Variants in LRP1B observed in about 807,000 individuals in gnomAD.
The protein encoded by LRP1B is LDL receptor related protein 1B.
Under a neutral mutation model 556.6 loss-of-function variants are expected in LRP1B, and 217 were observed. The observed-to-expected ratio is 0.39, with a 90% CI of 0.35 to 0.44. The LOEUF (loss-of-function observed/expected upper bound fraction) is 0.44, where lower values mean the gene tolerates loss of function less well. Among genes scored for constraint, LRP1B ranks in the 20% least tolerant of loss-of-function variants. The probability of loss-of-function intolerance (pLI) is 1.00; values close to 1 mark genes in which losing one functional copy is unlikely to be tolerated. For missense variants in LRP1B, 5,053 were observed against 5,620.8 expected (o/e 0.90, Z 3.23); for synonymous variants, 2,047 against 1,865.8 (o/e 1.10, Z -2.50).
intron 3 of LRP1B, among the ~76,000 whole-genome samples, chr2:141,390,671 G>A (rs780919867): frequency 2.0e-5 from 3 of 152,162 alleles, no homozygotes; most frequent in Non-Finnish European, 4.4e-5. Context: ...AGTGAAAGAA[G>A]CCAGACACAA....
At chr2:141,861,624 T>A (rs113267307) in intron 1 of LRP1B, among the ~76,000 whole-genome samples, 9 of 152,248 alleles carry the variant, frequency 5.9e-5, no homozygotes, top group African/African-American at 1.9e-4. Context: ...TATAAACTCT[T>A]TCCATAGAGA....
intron 2 of LRP1B, among the ~76,000 whole-genome samples, chr2:141,653,878 G>A (rs1053155695): frequency 6.6e-6 from 1 of 152,278 alleles, no homozygotes; most frequent in Admixed American, 6.5e-5. Context: ...TATAAAAATG[G>A]TACATTCTAC....
chr2:140,238,712 A>C (rs1680819198), intron 88 of LRP1B, among the ~76,000 whole-genome samples: 1 of 150,842 alleles, frequency 6.6e-6, no homozygotes, highest in South Asian at 2.1e-4. Flanking sequence ...TATTTTGTAC[A>C]AGTGCAAGTT....
chr2:140,755,007 T>C (rs1688697786), intron 35 of LRP1B, among the ~76,000 whole-genome samples: 1 of 134,592 alleles, frequency 7.4e-6, no homozygotes. Context: ...ATACAGTAGA[T>C]ACAGAAATAA....
intron 1 of LRP1B, among the ~76,000 whole-genome samples, chr2:141,975,787 A>C (rs554998769): frequency 1.3e-5 from 2 of 152,160 alleles, no homozygotes; most frequent in Non-Finnish European, 2.9e-5. Context: ...AAGGCATTAA[A>C]CAATCTCTGA....
At chr2:140,912,707 A>G (rs182562261) in intron 21 of LRP1B, among the ~76,000 whole-genome samples, 49 of 151,870 alleles carry the variant, frequency 3.2e-4, no homozygotes, top group African/African-American at 1.2e-3. Flanking sequence ...AGAAAATAAG[A>G]ATAGATAAGT....
intron 11 of LRP1B, among the ~76,000 whole-genome samples, chr2:141,047,937 C>G (rs900380386): frequency 6.6e-6 from 1 of 152,056 alleles, no homozygotes. Context: ...TCTCTTGCTT[C>G]CTGTGAATAT....
intron 7 of LRP1B, among the ~76,000 whole-genome samples, chr2:141,096,863 G>A (rs1321973231): frequency 1.3e-5 from 2 of 152,152 alleles, no homozygotes; most frequent in African/African-American, 4.8e-5. Context: ...CCGGAGGCCT[G>A]TAGAAAGTGT....
intron 3 of LRP1B, among the ~76,000 whole-genome samples, chr2:141,360,934 A>T (rs538847428): frequency 6.6e-6 from 1 of 152,316 alleles, no homozygotes; most frequent in Non-Finnish European, 1.5e-5. Context: ...TGAAATATCT[A>T]GTCTTTTCTT....
chr2:142,044,636 T>C (rs1704190773), intron 1 of LRP1B, among the ~76,000 whole-genome samples: 1 of 151,786 alleles, frequency 6.6e-6, no homozygotes. Context: ...TTTTTTTTTG[T>C]GGATTACACA....
intron 2 of LRP1B, among the ~76,000 whole-genome samples, chr2:141,486,742 G>C (rs1335396097): frequency 6.6e-6 from 1 of 151,956 alleles, no homozygotes; most frequent in Non-Finnish European, 1.5e-5. Context: ...CTGAACTTAT[G>C]CCCAAGAATA....
At chr2:141,153,930 A>G (rs74522917) in intron 7 of LRP1B, among the ~76,000 whole-genome samples, 4,311 of 151,690 alleles carry the variant, frequency 0.028, 82 homozygotes, top group East Asian at 0.063. Flanking sequence ...CATTTTAATG[A>G]TTAACTATTG....
At chr2:141,465,547 T>TC (rs5834831) in intron 3 of LRP1B, among the ~76,000 whole-genome samples, 56,819 of 149,362 alleles carry the variant, frequency 0.38, 10,970 homozygotes, top group Non-Finnish European at 0.42. Context: ...GCATGACTTT[T>TC]TTTTTTTTTT....
chr2:140,899,101 A>G, intron 23 of LRP1B: 1 of 231,752 alleles, frequency 4.3e-6, no homozygotes, highest in Non-Finnish European at 8.8e-6. Context: ...CATGGCCACC[A>G]AGAAGTTGCA....
At chr2:141,005,302 T>G in intron 15 of LRP1B, 33 bp downstream of exon 15, 2 of 1,603,268 alleles carry the variant, frequency 1.2e-6, no homozygotes, top group Non-Finnish European at 1.7e-6. Context: ...AAGAGCCCGA[T>G]AAACAAATAA....
At chr2:141,449,864 T>C (rs1028044510) in intron 3 of LRP1B, among the ~76,000 whole-genome samples, 9 of 152,208 alleles carry the variant, frequency 5.9e-5, no homozygotes, top group Non-Finnish European at 1.3e-4. Flanking sequence ...TACCTGTTGT[T>C]GGAGTTGCCC....
At chr2:141,145,638 A>G (rs1701763100) in intron 7 of LRP1B, among the ~76,000 whole-genome samples, 1 of 150,660 alleles carries the variant, frequency 6.6e-6, no homozygotes. Flanking sequence ...GGTTCAAGTG[A>G]TTCTCCTGCC....
chr2:141,378,797 G>A (rs1239243367), intron 3 of LRP1B, among the ~76,000 whole-genome samples: 1 of 152,116 alleles, frequency 6.6e-6, no homozygotes, highest in Non-Finnish European at 1.5e-5. Flanking sequence ...TGAACTTTAA[G>A]GCCAGTTAAC....
chr2:141,003,845 TA>T (rs1214758449), intron 15 of LRP1B, among the ~76,000 whole-genome samples: 5 of 152,056 alleles, frequency 3.3e-5, no homozygotes, highest in Non-Finnish European at 4.4e-5. Context: ...CATACCAGTG[TA>T]AGCATTCACT....
Sources: gnomAD v4.1 joint callset for allele counts (sites outside exome capture counted in the v4.1 genomes callset) on GRCh38, gnomAD v4.1.1 for gene constraint, MANE v1.5 for transcripts, NCBI Gene and HGNC (gene_info 2026-07-23, HGNC 2026-07-21) for gene names.